The following ANO6 variants were observed in gnomAD, a reference collection of about 807,000 sequenced individuals.
The protein encoded by ANO6 is anoctamin-6.
ANO6 carries 106 observed loss-of-function variants against 117.5 expected under a neutral mutation model. The ratio of observed to expected loss-of-function variants is 0.90; its 90% confidence interval spans 0.77 to 1.06. The LOEUF (loss-of-function observed/expected upper bound fraction) is 1.06. Among genes scored for constraint, ANO6 ranks in the 50% least tolerant of loss-of-function variants. The pLI is 0.00. For synonymous variants in ANO6, 367 were observed against 385.1 expected (o/e 0.95, Z 0.55); for missense variants, 955 against 1,121.1 (o/e 0.85, Z 2.12).
intron 8 of ANO6, among the ~76,000 whole-genome samples, chr12:45,364,876 T>C (rs1941645188): frequency 6.6e-6 from 1 of 152,246 alleles, no homozygotes; most frequent in Non-Finnish European, 1.5e-5. Flanking sequence ...GAACTGGACA[T>C]TTTAAGTATT....
chr12:45,378,252 C>T, intron 10 of ANO6, 139 bp downstream of exon 10: 1 of 793,098 alleles, frequency 1.3e-6, no homozygotes, highest in South Asian at 1.6e-5. Context: ...TAACTGAGGG[C>T]ATTTATCAGT....
At chr12:45,393,441 C>T (rs1034529626) in intron 12 of ANO6, among the ~76,000 whole-genome samples, 1 of 152,086 alleles carries the variant, frequency 6.6e-6, no homozygotes, top group Non-Finnish European at 1.5e-5. Context: ...ATCCAGGAGA[C>T]CTTCCCCAAC....
At chr12:45,270,501 A>C (rs1938360096) in intron 1 of ANO6, 1 of 1,343,944 alleles carries the variant, frequency 7.4e-7, no homozygotes, top group African/African-American at 1.5e-5. Context: ...CTGACTCCTC[A>C]TACTCACCTC....
intron 1 of ANO6, among the ~76,000 whole-genome samples, chr12:45,288,723 A>C (rs899025960): frequency 1.3e-5 from 2 of 152,098 alleles, no homozygotes; most frequent in Non-Finnish European, 2.9e-5. Flanking sequence ...TTTTGGGTAT[A>C]TATTATAATA....
chr12:45,416,402 G>A (rs1348008707), intron 16 of ANO6, among the ~76,000 whole-genome samples: 1 of 152,114 alleles, frequency 6.6e-6, no homozygotes. Context: ...ATATGCTTAT[G>A]ATGTCTCAAG....
At position 45,344,783 on chromosome 12, in the gene ANO6, A is replaced by G. The variant is rs536176346; in HGVS notation, c.280-2239A>G. 6.6e-5 allele frequency among the ~76,000 whole-genome samples: 10 copies of G among 152,338 alleles called. No homozygotes were observed. The South Asian group carries it at 2.1e-3, about 32-fold the overall frequency. ...AGGACTGGGCTCCTATGTAAGAATC[A>G]AAATGAGAGGATTAGGATTTAGAGG... On this transcript the variant is annotated intron_variant, in intron 3 of 19. Transcript: ENST00000320560.
intron 1 of ANO6, among the ~76,000 whole-genome samples, chr12:45,217,248 T>C (rs1947330266): frequency 6.6e-6 from 1 of 152,124 alleles, no homozygotes; most frequent in Non-Finnish European, 1.5e-5. Flanking sequence ...GATGATGATA[T>C]AATGTGTCCC....
intron 16 of ANO6, 139 bp from the exon 17 acceptor site, chr12:45,416,560 A>C: frequency 1.3e-6 from 1 of 767,738 alleles, no homozygotes; most frequent in Non-Finnish European, 2.2e-6. Context: ...TTCACTGTTG[A>C]ACACTAAATT....
Position 45,216,253 on chromosome 12 carries a change from G to A in ANO6, c.-69G>A. 1 of 1,534,384 alleles carries A rather than the reference G, an allele frequency of 6.5e-7. No homozygotes were observed. The highest frequency in any genetic ancestry group is 1.9e-5 in the Admixed American group (1 of 51,526). ...GGTCCCCGATCCGGCCCCTGGGAGA[G>A]CCGCGCCGTTCTGGAACCCGGGAGC... On this transcript the variant is annotated 5_prime_UTR_variant, in exon 1 of 20. Transcript: ENST00000320560.
intron 2 of ANO6, among the ~76,000 whole-genome samples, chr12:45,321,329 G>T (rs548504986): frequency 2.0e-5 from 3 of 152,002 alleles, no homozygotes; most frequent in Non-Finnish European, 2.9e-5. Flanking sequence ...ATAAATTTTC[G>T]CTACTTGCCT....
At chr12:45,348,869 A>G (rs1405226962) in intron 6 of ANO6, among the ~76,000 whole-genome samples, 1 of 152,238 alleles carries the variant, frequency 6.6e-6, no homozygotes, top group African/African-American at 2.4e-5. Flanking sequence ...CCTCTCTCAC[A>G]GTTAATGTGT....
At chr12:45,392,772 AACAG>A (rs1274270826) in intron 12 of ANO6, among the ~76,000 whole-genome samples, 1 of 152,236 alleles carries the variant, frequency 6.6e-6, no homozygotes, top group Non-Finnish European at 1.5e-5. Flanking sequence ...TTAGAAGGAA[AACAG>A]ACAGACAGAA....
At chr12:45,267,944 A>G (rs1938273885) in intron 1 of ANO6, among the ~76,000 whole-genome samples, 1 of 152,232 alleles carries the variant, frequency 6.6e-6, no homozygotes, top group Admixed American at 6.5e-5. Context: ...ATTGAAGGGT[A>G]TAAAAGAAAA....
intron 16 of ANO6, among the ~76,000 whole-genome samples, chr12:45,414,486 A>G (rs1022670011): frequency 1.3e-5 from 2 of 152,156 alleles, no homozygotes; most frequent in Non-Finnish European, 2.9e-5. Flanking sequence ...CTGTGTCAAT[A>G]CTTGCATCCA....
chr12:45,260,141 G>C (rs569249303), intron 1 of ANO6, among the ~76,000 whole-genome samples: 1 of 152,182 alleles, frequency 6.6e-6, no homozygotes, highest in Non-Finnish European at 1.5e-5. Context: ...AGCACTTAGC[G>C]CTGGGCTCAG....
intron 1 of ANO6, chr12:45,270,413 A>T (rs556641590): frequency 6.6e-7 from 1 of 1,513,880 alleles, no homozygotes; most frequent in South Asian, 1.3e-5. Context: ...GCCTAACACC[A>T]TCCCTTATAT....
intron 1 of ANO6, among the ~76,000 whole-genome samples, chr12:45,268,268 C>T (rs1938284153): frequency 6.6e-6 from 1 of 152,208 alleles, no homozygotes; most frequent in African/African-American, 2.4e-5. Flanking sequence ...TGCCTGTAAT[C>T]CCAGCACTTT....
intron 7 of ANO6, among the ~76,000 whole-genome samples, chr12:45,356,384 T>C (rs938070615): frequency 1.3e-5 from 2 of 152,148 alleles, no homozygotes; most frequent in African/African-American, 4.8e-5. Flanking sequence ...GGTAGGGCAG[T>C]GACACCCGCA....
chr12:45,347,389 A>G, intron 4 of ANO6: 1 of 373,788 alleles, frequency 2.7e-6, no homozygotes, highest in Non-Finnish European at 4.8e-6. Flanking sequence ...TTATGGTAAA[A>G]AATTAGAAAA....
Sources: allele counts gnomAD v4.1 joint callset (sites outside exome capture counted in the v4.1 genomes callset), GRCh38; gene constraint gnomAD v4.1.1; transcripts MANE v1.5; gene names NCBI Gene and HGNC (gene_info 2026-07-23, HGNC 2026-07-21).